The following MTA3 variants were observed in gnomAD, a reference collection of about 807,000 sequenced individuals.
MTA3 encodes the protein metastasis-associated protein MTA3.
In MTA3, 34 loss-of-function variants were observed where a neutral mutation model predicts 83.5. That is an observed-to-expected ratio of 0.41 (90% CI 0.31 to 0.54). The LOEUF (loss-of-function observed/expected upper bound fraction) is 0.54. MTA3 is among the 20% of genes least tolerant of loss of function. The pLI is 0.33. For missense variants in MTA3, 761 were observed against 726.4 expected (o/e 1.05, Z -0.55); for synonymous variants, 303 against 252.7 (o/e 1.20, Z -1.89).
intron 4 of MTA3, among the ~76,000 whole-genome samples, chr2:42,611,316 A>AACACATACACACAC (rs1553360978): frequency 2.2e-5 from 1 of 45,118 alleles, no homozygotes; most frequent in African/African-American, 1.4e-4. Flanking sequence ...TCTGGTACTT[A>AACACATACACACAC]ACACATACAC....
At chr2:42,584,935 A>T (rs1680089793) in intron 3 of MTA3, among the ~76,000 whole-genome samples, 1 of 142,468 alleles carries the variant, frequency 7.0e-6, no homozygotes, top group African/African-American at 2.6e-5. Context: ...AAGCCATAAG[A>T]TTTTTTTTTT....
chr2:42,534,866 G>C (rs561483362), intron 2 of MTA3, among the ~76,000 whole-genome samples: 1 of 151,904 alleles, frequency 6.6e-6, no homozygotes, highest in African/African-American at 2.4e-5. Context: ...CAAGTGATCC[G>C]CTAGCCTTGG....
chr2:42,708,314 A>G (rs995387433), intron 13 of MTA3, among the ~76,000 whole-genome samples: 7 of 152,226 alleles, frequency 4.6e-5, no homozygotes, highest in Non-Finnish European at 1.5e-5. Flanking sequence ...TTACAAATTA[A>G]ATGTTTAATT....
chr2:42,497,696 C>A (rs1257553495), intron 2 of MTA3, among the ~76,000 whole-genome samples: 1 of 152,028 alleles, frequency 6.6e-6, no homozygotes, highest in Non-Finnish European at 1.5e-5. Context: ...CCTCATTGAT[C>A]TTCAGTTTTT....
At chr2:42,588,375 A>G (rs571123055) in intron 3 of MTA3, among the ~76,000 whole-genome samples, 1 of 152,298 alleles carries the variant, frequency 6.6e-6, no homozygotes, top group African/African-American at 2.4e-5. Context: ...TGAGTGGTGA[A>G]CAAAGCTACC....
In MTA3 at chr2:42,707,916, C is replaced by T. The variant is rs779798230; in HGVS notation, c.1164C>T (p.His388=). The change falls in exon 13 of 17, where the codon CAC becomes CAT. Residue 388 remains histidine, a synonymous_variant. Coordinates refer to ENST00000405094, the MANE Select transcript of MTA3 (RefSeq NM_001330442.2). Reference sequence around the variant, plus strand: ...CTTCTGCTTTAGCTACACAGTCTCACCAGTGGTATTCTTGGGGCCCACCTA... The same window carrying T: ...CTTCTGCTTTAGCTACACAGTCTCATCAGTGGTATTCTTGGGGCCCACCTA... The part of the protein sequence containing the change: ...ACESCYATQS[H]QWYSWGPPNM... The T allele has an allele frequency of 3.8e-6, 6 of 1,594,982 alleles. No homozygotes were observed. In the African/African-American group the frequency reaches 8.1e-5, roughly 22 times the overall value.
At chr2:42,515,033 T>C (rs1301702340) in intron 2 of MTA3, among the ~76,000 whole-genome samples, 2 of 151,624 alleles carry the variant, frequency 1.3e-5, no homozygotes, top group Non-Finnish European at 2.9e-5. Flanking sequence ...CCTGTGTTTA[T>C]TTTATTTTAT....
chr2:42,543,473 G>A (rs1316860601), intron 2 of MTA3, among the ~76,000 whole-genome samples: 1 of 151,192 alleles, frequency 6.6e-6, no homozygotes, highest in Non-Finnish European at 1.5e-5. Context: ...ACTGCTCCCA[G>A]CCAACAGTTC....
chr2:42,723,701 C>G (rs1667601097), intron 16 of MTA3, among the ~76,000 whole-genome samples: 1 of 152,128 alleles, frequency 6.6e-6, no homozygotes, highest in African/African-American at 2.4e-5. Context: ...ATATGTTCTT[C>G]ATTTCAGTAG....
intron 2 of MTA3, among the ~76,000 whole-genome samples, chr2:42,544,052 A>G (rs1180807904): frequency 1.3e-5 from 2 of 152,128 alleles, no homozygotes; most frequent in Non-Finnish European, 2.9e-5. Context: ...TAAGATGTTT[A>G]TGACTAAGGA....
intron 1 of MTA3, 40 bp from the exon 2 acceptor site, chr2:42,570,396 TC>T: frequency 2.3e-6 from 3 of 1,283,666 alleles, no homozygotes; most frequent in East Asian, 2.5e-5. Flanking sequence ...ATCTGAACTT[TC>T]TGTTAAAAAG....
At chr2:42,721,028 T>A (rs1667373880) in intron 15 of MTA3, among the ~76,000 whole-genome samples, 1 of 151,520 alleles carries the variant, frequency 6.6e-6, no homozygotes, top group Non-Finnish European at 1.5e-5. Flanking sequence ...AGAATAATTG[T>A]GTGCTCCTAC....
At chr2:42,704,111 G>A (rs1421385390) in intron 11 of MTA3, 83 bp from the exon 12 acceptor site, 1 of 1,403,512 alleles carries the variant, frequency 7.1e-7, no homozygotes, top group African/African-American at 1.4e-5. Context: ...TTATTAAATA[G>A]TGACGGTAAA....
chr2:42,653,357 A>C (rs991576840), intron 6 of MTA3, among the ~76,000 whole-genome samples: 1 of 152,156 alleles, frequency 6.6e-6, no homozygotes, highest in African/African-American at 2.4e-5. Flanking sequence ...ATCTTTGTTC[A>C]GTTTTTGGCT....
chr2:42,611,829 T>C (rs946536667), intron 4 of MTA3, among the ~76,000 whole-genome samples: 1 of 151,950 alleles, frequency 6.6e-6, no homozygotes, highest in African/African-American at 2.4e-5. Context: ...AAATAATAAA[T>C]AGGTGAGATA....
chr2:42,521,545 C>G (rs539867549), intron 2 of MTA3, among the ~76,000 whole-genome samples: 2 of 152,114 alleles, frequency 1.3e-5, no homozygotes, highest in African/African-American at 4.8e-5. Context: ...ATGGGCAACT[C>G]AAACTAGTTG....
At chr2:42,704,989 G>C (rs1665938767) in intron 12 of MTA3, among the ~76,000 whole-genome samples, 1 of 152,280 alleles carries the variant, frequency 6.6e-6, no homozygotes, top group South Asian at 2.1e-4. Context: ...TTTCCTTCCA[G>C]TTAAGGTAGC....
intron 15 of MTA3, among the ~76,000 whole-genome samples, chr2:42,720,018 T>C (rs566466505): frequency 1.3e-5 from 2 of 152,280 alleles, no homozygotes; most frequent in East Asian, 3.9e-4. Context: ...ATGTTCAGAC[T>C]GCAGACATCA....
At position 42,719,032 on chromosome 2, in the gene MTA3, A is replaced by C. The variant is rs766348282; in HGVS notation, c.1570A>C (p.Lys524Gln). ...ACTATCTGGAAGTCCACTGAAAAGC[A>C]AAAGCACTAGGAAGCCTTTGGCATG... ...AELSGSPLKS[K>Q]STRKPLACII... The change falls in exon 15 of 17, where the codon AAA becomes CAA. Residue 524 changes from lysine to glutamine, a missense_variant. By Grantham distance (53) the Lys-to-Gln change is moderately conservative. Transcript: ENST00000405094. 1.5e-5 allele frequency: 23 copies of C among 1,550,412 alleles called. No homozygotes were observed. The highest frequency in any genetic ancestry group is 1.7e-5 in the Non-Finnish European group (20 of 1,146,944).
Sources: gnomAD v4.1 joint callset for allele counts (sites outside exome capture counted in the v4.1 genomes callset) on GRCh38, gnomAD v4.1.1 for gene constraint, MANE v1.5 for transcripts, NCBI Gene and HGNC (gene_info 2026-07-23, HGNC 2026-07-21) for gene names.